The following ROBO1 variants were observed in gnomAD, a reference collection of about 807,000 sequenced individuals.
ROBO1 encodes the protein roundabout guidance receptor 1.
Under a neutral mutation model 195.9 loss-of-function variants are expected in ROBO1, and 149 were observed. That is an observed-to-expected ratio of 0.76 (90% CI 0.67 to 0.87). ROBO1 has a LOEUF of 0.87. ROBO1 is among the 40% of genes least tolerant of loss of function. The pLI, the probability that ROBO1 is intolerant of heterozygous loss-of-function variation, is 0.00. For missense variants in ROBO1, 1,933 were observed against 2,068.3 expected (o/e 0.93, Z 1.27); for synonymous variants, 816 against 733.2 (o/e 1.11, Z -1.82).
At chr3:79,581,541 GA>G (rs1412060871) in intron 2 of ROBO1, among the ~76,000 whole-genome samples, 1 of 152,060 alleles carries the variant, frequency 6.6e-6, no homozygotes, top group Non-Finnish European at 1.5e-5. Flanking sequence ...GGCTAATAAA[GA>G]GACACAGTAC....
intron 1 of ROBO1, among the ~76,000 whole-genome samples, chr3:79,642,093 T>G: frequency 6.6e-6 from 1 of 152,102 alleles, no homozygotes; most frequent in East Asian, 1.9e-4. Flanking sequence ...TAATAAAAAA[T>G]CAAACAGAAA....
At chr3:79,155,662 G>A (rs940837209) in intron 2 of ROBO1, among the ~76,000 whole-genome samples, 1 of 151,566 alleles carries the variant, frequency 6.6e-6, no homozygotes, top group Non-Finnish European at 1.5e-5. Context: ...ATTCCTAACA[G>A]TACCCTAAAA....
At chr3:78,661,491 T>C (rs569913454) in intron 15 of ROBO1, among the ~76,000 whole-genome samples, 1 of 152,214 alleles carries the variant, frequency 6.6e-6, no homozygotes, top group Non-Finnish European at 1.5e-5. Context: ...AACATTCAAA[T>C]AAGTAGAATA....
chr3:79,443,835 G>A (rs1281745565), intron 2 of ROBO1, among the ~76,000 whole-genome samples: 1 of 151,984 alleles, frequency 6.6e-6, no homozygotes, highest in Non-Finnish European at 1.5e-5. Context: ...AGAGCACACA[G>A]GGTAGACCTA....
chr3:79,256,721 T>G (rs2082840974), intron 2 of ROBO1, among the ~76,000 whole-genome samples: 1 of 152,156 alleles, frequency 6.6e-6, no homozygotes, highest in South Asian at 2.1e-4. Context: ...TTTCTGTGAT[T>G]AAAGAAAAAA....
At chr3:78,816,266 T>C (rs1368762949) in intron 4 of ROBO1, among the ~76,000 whole-genome samples, 1 of 152,172 alleles carries the variant, frequency 6.6e-6, no homozygotes, top group African/African-American at 2.4e-5. Context: ...CATCTGTTTA[T>C]AGAATGGTTT....
intron 1 of ROBO1, among the ~76,000 whole-genome samples, chr3:79,617,480 A>G (rs1375939403): frequency 6.6e-6 from 1 of 152,192 alleles, no homozygotes; most frequent in African/African-American, 2.4e-5. Flanking sequence ...ATAAATATGA[A>G]GCCTTGCCCC....
chr3:78,876,914 A>G (rs980778852), intron 4 of ROBO1, among the ~76,000 whole-genome samples: 10 of 152,256 alleles, frequency 6.6e-5, no homozygotes, highest in Non-Finnish European at 8.8e-5. Flanking sequence ...CCCTTTATTC[A>G]AAGTGTAATA....
intron 2 of ROBO1, among the ~76,000 whole-genome samples, chr3:79,246,993 C>T (rs2082635883): frequency 1.3e-5 from 2 of 151,962 alleles, no homozygotes; most frequent in African/African-American, 2.4e-5. Context: ...TAAATAAATG[C>T]CAGTTATTAT....
chr3:79,517,651 G>A (rs761754391), intron 2 of ROBO1, among the ~76,000 whole-genome samples: 3 of 152,076 alleles, frequency 2.0e-5, no homozygotes, highest in South Asian at 2.1e-4. Context: ...TCTGTTCTGG[G>A]TATAAGTAAC....
intron 2 of ROBO1, among the ~76,000 whole-genome samples, chr3:79,573,368 G>A (rs1943345429): frequency 6.6e-6 from 1 of 152,090 alleles, no homozygotes; most frequent in Non-Finnish European, 1.5e-5. Context: ...AGTAAAATCA[G>A]TGTAGAAAAC....
At chr3:79,505,780 G>A (rs1046397353) in intron 2 of ROBO1, among the ~76,000 whole-genome samples, 1 of 152,182 alleles carries the variant, frequency 6.6e-6, no homozygotes, top group South Asian at 2.1e-4. Flanking sequence ...TGCAAGCAAT[G>A]TATACAGTGG....
chr3:79,205,543 ACT>A (rs2081852040), intron 2 of ROBO1, among the ~76,000 whole-genome samples: 1 of 151,930 alleles, frequency 6.6e-6, no homozygotes, highest in African/African-American at 2.4e-5. Flanking sequence ...CCAGAAGTAG[ACT>A]CTATTTCTTT....
chr3:79,457,604 C>T (rs189239158), intron 2 of ROBO1, among the ~76,000 whole-genome samples: 2 of 152,170 alleles, frequency 1.3e-5, no homozygotes, highest in African/African-American at 4.8e-5. Flanking sequence ...TGAGAGAAAC[C>T]TGGTGGGAGG....
intron 2 of ROBO1, among the ~76,000 whole-genome samples, chr3:79,237,221 G>C (rs1393351976): frequency 6.6e-6 from 1 of 152,092 alleles, no homozygotes; most frequent in African/African-American, 2.4e-5. Context: ...GGTGGCTCAC[G>C]CCTGTAATCC....
At chr3:78,868,824 GA>G (rs2035349908) in intron 4 of ROBO1, among the ~76,000 whole-genome samples, 1 of 152,120 alleles carries the variant, frequency 6.6e-6, no homozygotes, top group South Asian at 2.1e-4. Context: ...AGCTTAGAAA[GA>G]ACAATGGGTA....
At chr3:78,620,883 A>ATATGTGTGTGTGTATGTG (rs368794312) in intron 26 of ROBO1, among the ~76,000 whole-genome samples, 1 of 144,624 alleles carries the variant, frequency 6.9e-6, no homozygotes, top group Non-Finnish European at 1.5e-5. Context: ...ATATATATAT[A>ATATGTGTGTGTGTATGTG]TGTGTGTGTG....
intron 2 of ROBO1, among the ~76,000 whole-genome samples, chr3:79,405,541 T>C (rs1575780617): frequency 6.6e-6 from 1 of 152,210 alleles, no homozygotes. Flanking sequence ...TCTTGGTTAC[T>C]AATCTTTGTC....
intron 1 of ROBO1, among the ~76,000 whole-genome samples, chr3:79,706,546 G>T (rs921446892): frequency 3.3e-5 from 5 of 152,122 alleles, no homozygotes; most frequent in Middle Eastern, 3.4e-3. Context: ...ATCTCATCTT[G>T]ATCTTTTGTT....
Sources: allele counts gnomAD v4.1 joint callset (sites outside exome capture counted in the v4.1 genomes callset), GRCh38; gene constraint gnomAD v4.1.1; transcripts MANE v1.5; gene names NCBI Gene and HGNC (gene_info 2026-07-23, HGNC 2026-07-21).